The following ANKRD29 variants were observed in gnomAD, a reference collection of about 807,000 sequenced individuals.
ANKRD29 encodes the protein ankyrin repeat domain-containing protein 29.
In ANKRD29, 32 loss-of-function variants were observed where a neutral mutation model predicts 38.0. The ratio of observed to expected loss-of-function variants is 0.84; its 90% confidence interval spans 0.64 to 1.13. The LOEUF is 1.13. ANKRD29 is among the 50% of genes most tolerant of loss of function. The pLI, the probability that ANKRD29 is intolerant of heterozygous loss-of-function variation, is 0.00. For missense variants in ANKRD29, 357 were observed against 377.9 expected, an observed-to-expected ratio of 0.94 and a Z score of 0.46; for synonymous variants, 135 against 152.4, an observed-to-expected ratio of 0.89 and a Z score of 0.84.
intron 5 of ANKRD29, 23 bp from the exon 6 acceptor site, chr18:23,629,974 C>T (rs1454161942): frequency 1.3e-6 from 2 of 1,575,522 alleles, no homozygotes; most frequent in Non-Finnish European, 1.7e-6. Flanking sequence ...AAATTAAAAG[C>T]ATTAAAAACA....
At position 23,632,529 on chromosome 18, in the gene ANKRD29, G is replaced by GTATATA. The variant is rs1319966480; in HGVS notation, c.429+1521_429+1522insTATATA. ...TTTCCTATTCAGTGTGTGTGTGTGT[G>GTATATA]TGTGTATATATATATATATTACACA... On this transcript the variant is annotated intron_variant, in intron 5 of 9. Coordinates refer to ENST00000592179, the MANE Select transcript of ANKRD29 (RefSeq NM_173505.4). 1.5e-3 allele frequency among the ~76,000 whole-genome samples: 101 copies of GTATATA among 68,134 alleles called. 1 individual carries two copies. Among genetic ancestry groups the GTATATA allele is most frequent in the Middle Eastern group, 8.6e-3 (1 of 116 alleles). 44.7% of individuals were successfully genotyped at this position (68,134 alleles called of 152,430 possible).
rs953749538 is a variant in ANKRD29, at chr18:23,601,117, C to T, written c.*109G>A. 51 of 998,302 alleles carry T rather than the reference C, an allele frequency of 5.1e-5. 1 individual carries two copies. The South Asian group carries it at 8.0e-4, about 16-fold the overall frequency. 61.8% of individuals were successfully genotyped at this position (998,302 alleles called of 1,614,324 possible). A position where few individuals can be genotyped will look rare whatever the true frequency, so the allele number is the denominator to read the frequency against. On this transcript the variant is annotated 3_prime_UTR_variant, in exon 10 of 10. Transcript: ENST00000592179. The stretch of plus-strand genomic sequence containing the variant: ...GTCAGGGACCCACAGGATGGGCATT[C>T]TGGGCATCTTTTTTTTTCATAAAAG...
At chr18:23,632,895 G>T (rs1273075638) in intron 5 of ANKRD29, among the ~76,000 whole-genome samples, 4 of 152,070 alleles carry the variant, frequency 2.6e-5, no homozygotes, top group Non-Finnish European at 4.4e-5. Flanking sequence ...GATTTGTCAG[G>T]GTTAACCATG....
At chr18:23,617,182 A>G (rs1481664578) in intron 8 of ANKRD29, among the ~76,000 whole-genome samples, 1 of 152,150 alleles carries the variant, frequency 6.6e-6, no homozygotes, top group East Asian at 1.9e-4. Context: ...GTGCCATTGC[A>G]CTCCAGTCTG....
At chr18:23,609,383 C>T (rs1344298537) in intron 9 of ANKRD29, 1 of 152,166 alleles carries the variant, frequency 6.6e-6, no homozygotes, top group Non-Finnish European at 1.5e-5. Context: ...TTCCCAAGCC[C>T]CTATCCGCCA....
Position 23,617,780 on chromosome 18 carries a change from A to T in ANKRD29, c.675T>A (p.Asp225Glu). 1 of 1,614,154 alleles carries T rather than the reference A, an allele frequency of 6.2e-7. No homozygotes were observed. The highest frequency in any genetic ancestry group is 1.1e-5 in the South Asian group (1 of 91,088). The change falls in exon 8 of 10, where the codon GAT becomes GAA. Residue 225 changes from aspartate to glutamate, a missense_variant. By Grantham distance (45) the Asp-to-Glu change is conservative. Transcript: ENST00000592179. ...LLKAANKGYNDVIKELLKFSP... is the reference protein window; with the variant it reads ...LLKAANKGYNEVIKELLKFSP... ...AGAATTTAAGCAACTCTTTTATGACATCATTATACCCTTTGTTGGCTGCTT... is the reference window on the plus strand; with the variant it reads ...AGAATTTAAGCAACTCTTTTATGACTTCATTATACCCTTTGTTGGCTGCTT...
chr18:23,603,785 G>A (rs2059542909), intron 9 of ANKRD29, among the ~76,000 whole-genome samples: 1 of 151,968 alleles, frequency 6.6e-6, no homozygotes, highest in African/African-American at 2.4e-5. Context: ...TCAAACAACT[G>A]CACAGGGACT....
intron 2 of ANKRD29, chr18:23,646,557 T>C (rs1400937781): frequency 3.2e-6 from 1 of 316,368 alleles, no homozygotes; most frequent in Admixed American, 4.7e-5. Context: ...CCATAGTTAC[T>C]GCATTTTAAG....
intron 8 of ANKRD29, among the ~76,000 whole-genome samples, chr18:23,617,406 A>G (rs923634036): frequency 3.3e-5 from 5 of 152,176 alleles, no homozygotes; most frequent in East Asian, 1.9e-4. Context: ...GAGAACAGAC[A>G]TAAGTGTCTG....
chr18:23,613,609 T>C lies in ANKRD29; in HGVS notation c.724-1419A>G, dbSNP rs1022402609. Among the ~76,000 whole-genome samples, 22 of 151,974 alleles carry C rather than the reference T, an allele frequency of 1.4e-4. 1 individual carries two copies. The highest frequency in any genetic ancestry group is 3.1e-4 in the Non-Finnish European group (21 of 67,940). ...TTTATTTTTACTTTACAATTTTTTT[T>C]TTTTTTTTGATACGGAGTCTTGCTT... On this transcript the variant is annotated intron_variant, in intron 8 of 9. Coordinates refer to ENST00000592179, the MANE Select transcript of ANKRD29 (RefSeq NM_173505.4).
chr18:23,638,221 C>T (rs572139552), intron 4 of ANKRD29, among the ~76,000 whole-genome samples: 5 of 152,104 alleles, frequency 3.3e-5, no homozygotes, highest in African/African-American at 7.2e-5. Flanking sequence ...AGGCCGGTCT[C>T]GAACTCCTAA....
chr18:23,601,113 C>T lies in ANKRD29; in HGVS notation c.*113G>A, dbSNP rs2059506234. ...CTTTGTCAGGGACCCACAGGATGGG[C>T]ATTCTGGGCATCTTTTTTTTTCATA... On this transcript the variant is annotated 3_prime_UTR_variant, in exon 10 of 10. Transcript: ENST00000592179. 1.1e-6 allele frequency: 1 copy of T among 919,718 alleles called. No homozygotes were observed. The highest frequency in any genetic ancestry group is 1.6e-6 in the Non-Finnish European group (1 of 606,252). 57.0% of individuals were successfully genotyped at this position (919,718 alleles called of 1,614,324 possible).
chr18:23,638,874 C>G lies in ANKRD29; in HGVS notation c.305G>C (p.Gly102Ala), dbSNP rs182782127. The G allele has an allele frequency of 1.7e-5, 28 of 1,612,140 alleles. No individual in the cohort carries two copies. Among genetic ancestry groups the G allele is most frequent in the Non-Finnish European group, 1.7e-5 (20 of 1,179,540 alleles). Reference sequence around the variant, plus strand: ...TTTGGTCCTAAATTCAGTGGATGCTCCAAATCCAAAGAGAAATCTCACGAC... The same window carrying G: ...TTTGGTCCTAAATTCAGTGGATGCTGCAAATCCAAAGAGAAATCTCACGAC... ...NDVVRFLFGFGASTEFRTKDG... is the reference protein window; with the variant it reads ...NDVVRFLFGFAASTEFRTKDG... Residue 102 changes from glycine to alanine, a missense_variant, in exon 4 of 10, where the codon GGA (glycine) becomes GCA (alanine). Transcript: ENST00000592179.
chr18:23,646,214 C>A lies in ANKRD29; in HGVS notation c.206G>T (p.Gly69Val). 6.2e-7 allele frequency: 1 copy of A among 1,614,128 alleles called. No homozygotes were observed. The highest frequency in any genetic ancestry group is 1.1e-5 in the South Asian group (1 of 91,072). Residue 69 changes from glycine to valine, a missense_variant, in exon 3 of 10, where the codon GGA becomes GTA. Transcript: ENST00000592179. ...IDCVRELVLQGADINLQRESG... is the reference protein window; with the variant it reads ...IDCVRELVLQVADINLQRESG... ...CTCTCTCTGGAGATTGATGTCTGCT[C>A]CTTGCAGAACCAGTTCCCTCACACA... is the stretch of plus-strand genomic sequence containing the variant.
At chr18:23,649,565 A>C (rs1421828977) in intron 1 of ANKRD29, 2 of 488,938 alleles carry the variant, frequency 4.1e-6, no homozygotes, top group African/African-American at 1.9e-5. Context: ...TTCCTCCCAG[A>C]AACACTCCAA....
chr18:23,641,045 T>A (rs1252946582), intron 3 of ANKRD29, among the ~76,000 whole-genome samples: 1 of 151,902 alleles, frequency 6.6e-6, no homozygotes, highest in African/African-American at 2.4e-5. Context: ...TCCACCCACT[T>A]GTTTGCCTGT....
intron 1 of ANKRD29, among the ~76,000 whole-genome samples, chr18:23,660,750 T>C (rs1476093761): frequency 6.6e-6 from 1 of 152,228 alleles, no homozygotes; most frequent in Non-Finnish European, 1.5e-5. Flanking sequence ...GAGGTTGCAG[T>C]GAGCCAAGAT....
At chr18:23,643,485 C>T (rs908533518) in intron 3 of ANKRD29, among the ~76,000 whole-genome samples, 1 of 152,156 alleles carries the variant, frequency 6.6e-6, no homozygotes, top group Admixed American at 6.5e-5. Flanking sequence ...AAATAATTTG[C>T]TTTTCAATAG....
intron 5 of ANKRD29, among the ~76,000 whole-genome samples, chr18:23,630,214 C>T (rs1214620370): frequency 6.6e-6 from 1 of 152,190 alleles, no homozygotes; most frequent in Non-Finnish European, 1.5e-5. Flanking sequence ...CACCTGACAT[C>T]CGGAGTTCGA....
Sources: allele counts gnomAD v4.1 joint callset (sites outside exome capture counted in the v4.1 genomes callset), GRCh38; gene constraint gnomAD v4.1.1; transcripts MANE v1.5; gene names NCBI Gene and HGNC (gene_info 2026-07-23, HGNC 2026-07-21).